BFSP1: variants seen among roughly 807,000 people sequenced by gnomAD.
BFSP1 encodes the protein beaded filament structural protein 1, also known as filensin.
Under a neutral mutation model 43.9 loss-of-function variants are expected in BFSP1, and 38 were observed. The ratio of observed to expected loss-of-function variants is 0.87; its 90% CI spans 0.67 to 1.14. The LOEUF (loss-of-function observed/expected upper bound fraction) is 1.14. Ranked by LOEUF, BFSP1 falls within the 50% of genes most tolerant of loss-of-function variation. BFSP1 has a pLI of 0.00. For missense variants in BFSP1, 850 were observed against 875.1 expected (o/e 0.97, Z 0.36); for synonymous variants, 352 against 354.8 (o/e 0.99, Z 0.09).
Position 17,494,004 on chromosome 20 carries a change from G to C in BFSP1, c.*70C>G, listed in dbSNP as rs952247839. ...AGGAACCCTCACCCTTTTATCATTT[G>C]CTCTAAAATATCAAAGCATTACCCC... is the stretch of plus-strand genomic sequence containing the variant. On this transcript the variant is annotated 3_prime_UTR_variant, in exon 8 of 8. Transcript: ENST00000377873. 1.8e-5 allele frequency: 24 copies of C among 1,363,690 alleles called. No homozygotes were observed. Among genetic ancestry groups the C allele is most frequent in the Non-Finnish European group, 2.1e-5 (21 of 991,754 alleles). 84.5% of individuals were successfully genotyped at this position (1,363,690 alleles called of 1,614,324 possible).
chr20:17,558,757 C>T (rs2035036292), exon 1 of BFSP1: 3 of 1,547,382 alleles, frequency 1.9e-6, no homozygotes, highest in Non-Finnish European at 1.7e-6. Context: ...CCAAGGTGTG[C>T]TGCCTGCTGC....
chr20:17,531,361 C>G lies in BFSP1; in HGVS notation c.-32G>C, dbSNP rs953795792. 3 of 1,345,664 alleles carry G rather than the reference C, an allele frequency of 2.2e-6. No homozygotes were observed. Among genetic ancestry groups the G allele is most frequent in the Non-Finnish European group, 2.8e-6 (3 of 1,055,136 alleles). The allele number at this position is 1,345,664 out of a possible 1,614,324, so 83.4% of individuals were successfully genotyped here. ...TCTGGCGCGGGCGCGCGGGCGGCGC[C>G]GAGCCGGCTCTCCAGGAGGCCCCCG... is the stretch of plus-strand genomic sequence containing the variant. On this transcript the variant is annotated 5_prime_UTR_variant, in exon 1 of 8. Coordinates refer to ENST00000377873, the MANE Select transcript of BFSP1 (RefSeq NM_001195.5).
chr20:17,497,512 GTA>G (rs1555800589), intron 6 of BFSP1, among the ~76,000 whole-genome samples: 26 of 139,382 alleles, frequency 1.9e-4, no homozygotes, highest in Admixed American at 8.5e-4. Context: ...GTATATATAC[GTA>G]TATATATACA....
At chr20:17,559,832 G>A (rs780168839), upstream of BFSP1, among the ~76,000 whole-genome samples, 6 of 151,916 alleles carry the variant, frequency 3.9e-5, no homozygotes, top group East Asian at 1.9e-4. Flanking sequence ...CTGCCACCCC[G>A]TCTGTGGAAA....
intron 5 of BFSP1, among the ~76,000 whole-genome samples, chr20:17,500,881 C>T (rs947392151): frequency 6.6e-6 from 1 of 152,180 alleles, no homozygotes; most frequent in Non-Finnish European, 1.5e-5. Context: ...ATTTGACACG[C>T]ATGGTCCTCA....
At chr20:17,552,921 G>T (rs1433331369) in intron 1 of BFSP1, among the ~76,000 whole-genome samples, 2 of 152,184 alleles carry the variant, frequency 1.3e-5, no homozygotes, top group East Asian at 3.8e-4. Flanking sequence ...CTGGAGAGAG[G>T]TCAAGGACAG....
At chr20:17,509,798 A>C (rs995600203) in intron 4 of BFSP1, among the ~76,000 whole-genome samples, 1 of 151,856 alleles carries the variant, frequency 6.6e-6, no homozygotes, top group East Asian at 1.9e-4. Flanking sequence ...AAATCCTCTG[A>C]CCTCTCCACA....
chr20:17,546,614 A>G (rs2034804730), intron 1 of BFSP1, among the ~76,000 whole-genome samples: 1 of 151,954 alleles, frequency 6.6e-6, no homozygotes, highest in South Asian at 2.1e-4. Flanking sequence ...AGGCAGGAGG[A>G]TCCCTTGAAC....
chr20:17,520,619 C>T (rs542008063), intron 2 of BFSP1, among the ~76,000 whole-genome samples: 11 of 152,314 alleles, frequency 7.2e-5, no homozygotes, highest in African/African-American at 2.6e-4. Context: ...CTACATCTCT[C>T]CACCCTCTCT....
At chr20:17,497,056 C>A in intron 6 of BFSP1, 33 bp from the exon 7 acceptor site, 1 of 1,481,772 alleles carries the variant, frequency 6.7e-7, no homozygotes, top group Non-Finnish European at 9.1e-7. Context: ...ACAAGCCAAA[C>A]AGAGGTCAGG....
At chr20:17,567,924 G>A (rs1373434082) in intron 1 of BFSP1, among the ~76,000 whole-genome samples, 2 of 151,600 alleles carry the variant, frequency 1.3e-5, no homozygotes, top group Non-Finnish European at 2.9e-5. Flanking sequence ...AACTAGGGGG[G>A]TGAAGGAGTT....
intron 4 of BFSP1, among the ~76,000 whole-genome samples, chr20:17,511,117 CTA>C (rs11470474): frequency 0.49 from 73,539 of 150,730 alleles, 18,836 homozygotes; most frequent in African/African-American, 0.65. Context: ...CAGCACCAGT[CTA>C]TATATATATA....
At chr20:17,565,128 C>A (rs532558490) in intron 1 of BFSP1, among the ~76,000 whole-genome samples, 3 of 152,092 alleles carry the variant, frequency 2.0e-5, no homozygotes, top group Non-Finnish European at 4.4e-5. Context: ...CCACTCCCAC[C>A]CTATTTAACA....
chr20:17,499,128 G>A, intron 5 of BFSP1, 88 bp from the exon 6 acceptor site: 2 of 1,151,888 alleles, frequency 1.7e-6, no homozygotes, highest in South Asian at 2.6e-5. Context: ...TGGACTCGGT[G>A]AATGTTTTAT....
chr20:17,509,225 C>A (rs73902003), intron 4 of BFSP1, among the ~76,000 whole-genome samples: 8 of 152,048 alleles, frequency 5.3e-5, no homozygotes, highest in Admixed American at 5.2e-4. Context: ...TTTGTAAGAA[C>A]AAGAAGAGAC....
chr20:17,530,936 C>A lies in BFSP1; in HGVS notation c.377+17G>T. 7.1e-7 allele frequency: 1 copy of A among 1,402,718 alleles called. No homozygotes were observed. Among genetic ancestry groups the A allele is most frequent in the Non-Finnish European group, 9.2e-7 (1 of 1,081,246 alleles). The allele number at this position is 1,402,718 out of a possible 1,614,324, so 86.9% of individuals were successfully genotyped here. On this transcript the variant is annotated intron_variant, in intron 1 of 7. Coordinates refer to ENST00000377873, the MANE Select transcript of BFSP1 (RefSeq NM_001195.5). Reference sequence around the variant, plus strand: ...GCCCACGCCCTGCCTCGGTTTCCCCCGATGGCCGCCGCTTACTTGCTTCGG... The same window carrying A: ...GCCCACGCCCTGCCTCGGTTTCCCCAGATGGCCGCCGCTTACTTGCTTCGG...
intron 7 of BFSP1, among the ~76,000 whole-genome samples, chr20:17,495,283 T>A (rs567194565): frequency 6.6e-6 from 1 of 152,304 alleles, no homozygotes; most frequent in South Asian, 2.1e-4. Flanking sequence ...AGGTGCTCCC[T>A]GTTCTGACAC....
At chr20:17,557,183 G>A (rs896589191) in intron 1 of BFSP1, among the ~76,000 whole-genome samples, 2 of 152,236 alleles carry the variant, frequency 1.3e-5, no homozygotes, top group East Asian at 1.9e-4. Context: ...GGCAAATACA[G>A]AGGGCCAGGC....
At position 17,494,238 on chromosome 20, in the gene BFSP1, C is replaced by G. The variant is rs747780448; in HGVS notation, c.1834G>C (p.Gly612Arg). The change falls in exon 8 of 8, where the codon GGC (glycine) becomes CGC (arginine). Residue 612 changes from glycine to arginine, a missense_variant. Coordinates refer to ENST00000377873, the MANE Select transcript of BFSP1 (RefSeq NM_001195.5). Reference protein sequence around the residue: ...GTRSRSLPEKGPPKALAYKTV... With the variant: ...GTRSRSLPEKRPPKALAYKTV... ...TTATAGGCCAAAGCCTTGGGAGGGC[C>G]TTTTTCTGGCAGGCTTCTGCTCCTA... 1 of 1,614,160 alleles carries G rather than the reference C, an allele frequency of 6.2e-7. No homozygotes were observed. Among genetic ancestry groups the G allele is most frequent in the Non-Finnish European group, 8.5e-7 (1 of 1,180,052 alleles).
Sources: gnomAD v4.1 joint callset for allele counts (sites outside exome capture counted in the v4.1 genomes callset) on GRCh38, gnomAD v4.1.1 for gene constraint, MANE v1.5 for transcripts, NCBI Gene and HGNC (gene_info 2026-07-23, HGNC 2026-07-21) for gene names.